Variants in BLOC1S2 observed in about 807,000 individuals in gnomAD.
BLOC1S2 encodes the protein biogenesis of lysosomal organelles complex 1 subunit 2, also known as biogenesis of lysosome-related organelles complex 1 subunit 2.
In BLOC1S2, 12 loss-of-function variants were observed where a neutral mutation model predicts 19.6. The ratio of observed to expected loss-of-function variants is 0.61; its 90% CI spans 0.39 to 0.99. BLOC1S2 has a LOEUF of 0.99. Ranked by LOEUF, BLOC1S2 falls within the 50% of genes least tolerant of loss-of-function variation. BLOC1S2 has a pLI of 0.00. For missense variants in BLOC1S2, 142 were observed against 171.0 expected, an observed-to-expected ratio of 0.83 and a Z score of 0.95; for synonymous variants, 66 against 64.1, an observed-to-expected ratio of 1.03 and a Z score of -0.14.
At chr10:100,277,586 TCC>T (rs1847942050) in intron 4 of BLOC1S2, among the ~76,000 whole-genome samples, 7 of 71,922 alleles carry the variant, frequency 9.7e-5, no homozygotes, top group Admixed American at 4.1e-4. Flanking sequence ...GGCCAGCCGC[TCC>T]GTCCGGGAGG....
chr10:100,286,550 G>A, intron 1 of BLOC1S2, 55 bp downstream of exon 1: 1 of 1,605,534 alleles, frequency 6.2e-7, no homozygotes, highest in Non-Finnish European at 8.5e-7. Context: ...TCGCCCACCC[G>A]AGACGGAGCC....
Position 100,275,445 on chromosome 10 carries a change from C to G in BLOC1S2, c.*17G>C, listed in dbSNP as rs760783037. On this transcript the variant is annotated 3_prime_UTR_variant, in exon 5 of 5. Transcript: ENST00000370372. ...CACATTAAAAAAAAAAGACTCTGTCCCATAGAAATAAGTTTCTCATCGCTT... is the reference window on the plus strand; with the variant it reads ...CACATTAAAAAAAAAAGACTCTGTCGCATAGAAATAAGTTTCTCATCGCTT... The G allele has an allele frequency of 1.9e-6, 3 of 1,601,422 alleles. No individual in the cohort carries two copies. The highest frequency in any genetic ancestry group is 4.5e-5 in the East Asian group (2 of 44,792).
intron 4 of BLOC1S2, among the ~76,000 whole-genome samples, chr10:100,277,849 C>G (rs1402412751): frequency 1.6e-5 from 2 of 128,988 alleles, no homozygotes; most frequent in South Asian, 2.4e-4. Context: ...GTCAGCCCCC[C>G]GCCCGGCCAG....
At chr10:100,280,861 C>G in intron 3 of BLOC1S2, 73 bp downstream of exon 3, 7 of 1,481,822 alleles carry the variant, frequency 4.7e-6, no homozygotes, top group Non-Finnish European at 6.3e-6. Flanking sequence ...CATGTTCCCT[C>G]CTCTTCTCCA....
chr10:100,277,119 C>T (rs1318092624), intron 4 of BLOC1S2, among the ~76,000 whole-genome samples: 1 of 151,668 alleles, frequency 6.6e-6, no homozygotes, highest in Non-Finnish European at 1.5e-5. Context: ...CCCGGCAGCC[C>T]ACCGTCTGAG....
rs374494450 is a variant in BLOC1S2 at position 100,286,664 on chromosome 10, G to A, written c.-5C>T. On this transcript the variant is annotated 5_prime_UTR_variant, in exon 1 of 5. Transcript: ENST00000370372. Reference sequence around the variant, plus strand: ...GCCCTCGGCTGCCGCCGCCATAGCGGACCCCGCGCTGTTTCCGGGCCGGGG... The same window carrying A: ...GCCCTCGGCTGCCGCCGCCATAGCGAACCCCGCGCTGTTTCCGGGCCGGGG... 5.6e-6 allele frequency: 9 copies of A among 1,609,958 alleles called. No individual in the cohort carries two copies. Among genetic ancestry groups the A allele is most frequent in the Non-Finnish European group, 7.6e-6 (9 of 1,178,144 alleles).
chr10:100,282,187 T>C (rs1314582385), intron 2 of BLOC1S2, among the ~76,000 whole-genome samples: 5 of 152,208 alleles, frequency 3.3e-5, no homozygotes, highest in African/African-American at 1.2e-4. Context: ...ATCAATATAT[T>C]CAGATTTCTT....
intron 4 of BLOC1S2, 52 bp downstream of exon 4, chr10:100,280,072 T>C (rs1421880373): frequency 3.6e-6 from 5 of 1,399,778 alleles, no homozygotes; most frequent in Non-Finnish European, 5.0e-6. Context: ...ACTAAGAATA[T>C]GCTGGCAAGA....
rs1412441612 is a variant in BLOC1S2, at chr10:100,274,122, T to G, written c.*1340A>C. 6.6e-6 allele frequency: 1 copy of G among 152,046 alleles called. No homozygotes were observed. Among genetic ancestry groups the G allele is most frequent in the East Asian group, 1.9e-4 (1 of 5,172 alleles). The allele number at this position is 152,046 out of a possible 1,614,324, so 9.4% of individuals were successfully genotyped here. On this transcript the variant is annotated 3_prime_UTR_variant, in exon 5 of 5. Coordinates refer to ENST00000370372, the MANE Select transcript of BLOC1S2 (RefSeq NM_173809.5). ...ATAAAAAATAATTAGCAAGGCATGG[T>G]GGAGCGTGCTGGTAGTCCCAGCTAT... is the stretch of plus-strand genomic sequence containing the variant.
At chr10:100,278,031 G>A (rs1847975240) in intron 4 of BLOC1S2, among the ~76,000 whole-genome samples, 2 of 136,336 alleles carry the variant, frequency 1.5e-5, no homozygotes, top group African/African-American at 5.6e-5. Flanking sequence ...CCCCCGCCCG[G>A]CCAGCCGCCC....
At chr10:100,277,669 C>A (rs1485396183) in intron 4 of BLOC1S2, among the ~76,000 whole-genome samples, 5 of 141,490 alleles carry the variant, frequency 3.5e-5, no homozygotes, top group Admixed American at 6.8e-5. Context: ...GGGCTCAGCC[C>A]CCCCGCCCGG....
chr10:100,285,002 G>A (rs1848198406), intron 2 of BLOC1S2, among the ~76,000 whole-genome samples: 1 of 151,786 alleles, frequency 6.6e-6, no homozygotes, highest in African/African-American at 2.4e-5. Flanking sequence ...AAAATAGATG[G>A]AAAGAGGATC....
rs1170100213 is a variant in BLOC1S2 at position 100,274,945 on chromosome 10, G to A, written c.*517C>T. 1 of 398,566 alleles carries A rather than the reference G, an allele frequency of 2.5e-6. No individual in the cohort carries two copies. Among genetic ancestry groups the A allele is most frequent in the Non-Finnish European group, 4.4e-6 (1 of 226,088 alleles). 24.7% of individuals were successfully genotyped at this position (398,566 alleles called of 1,614,324 possible). A position where few individuals can be genotyped will look rare whatever the true frequency, so the allele number is the denominator to read the frequency against. ...ATTATTTTAAGATTTTATGTTATTT[G>A]CAATATTATGGAAAAGTAAGTTACC... On this transcript the variant is annotated 3_prime_UTR_variant, in exon 5 of 5. Transcript: ENST00000370372.
At position 100,286,161 on chromosome 10, in the gene BLOC1S2, GTCA is replaced by G; in HGVS notation, c.105_107del (p.Asp36del). 6.2e-7 allele frequency: 1 copy of G among 1,614,102 alleles called. No individual in the cohort carries two copies. The highest frequency in any genetic ancestry group is 8.5e-7 in the Non-Finnish European group (1 of 1,179,996). ...ACATGTCCCGGCAGAGCTCAGTGAT[GTCA>G]GCTTCAGCAGGCTCCTTTGCTTCCT... is the stretch of plus-strand genomic sequence containing the variant. On this transcript the variant is annotated inframe_deletion, in exon 2 of 5. Transcript: ENST00000370372.
At chr10:100,285,888 C>CT (rs1191274671) in intron 2 of BLOC1S2, among the ~76,000 whole-genome samples, 6 of 152,186 alleles carry the variant, frequency 3.9e-5, no homozygotes, top group African/African-American at 1.4e-4. Flanking sequence ...GATATGAACT[C>CT]TTTTTTGTTA....
At position 100,273,749 on chromosome 10, in the gene BLOC1S2, T is replaced by A. The variant is rs1166428029; in HGVS notation, c.*1713A>T. 1 of 150,004 alleles carries A rather than the reference T, an allele frequency of 6.7e-6. No homozygotes were observed. The highest frequency in any genetic ancestry group is 6.7e-5 in the Admixed American group (1 of 14,942). 9.3% of individuals were successfully genotyped at this position (150,004 alleles called of 1,614,324 possible). A position where few individuals can be genotyped will look rare whatever the true frequency, so the allele number is the denominator to read the frequency against. ...TACTCGGGAGGCTGAGGCAGGAGAA[T>A]CGCTTGAACCCAGGAAACAGAGGTT... On this transcript the variant is annotated 3_prime_UTR_variant, in exon 5 of 5. Transcript: ENST00000370372.
chr10:100,280,834 C>T, intron 3 of BLOC1S2, 100 bp downstream of exon 3: 1 of 1,379,046 alleles, frequency 7.3e-7, no homozygotes, highest in South Asian at 1.6e-5. Context: ...AAACAAGCTC[C>T]CACAAGACAA....
At chr10:100,276,270 G>A (rs1464631412) in intron 4 of BLOC1S2, among the ~76,000 whole-genome samples, 4 of 150,840 alleles carry the variant, frequency 2.7e-5, no homozygotes, top group Non-Finnish European at 4.4e-5. Context: ...AATGTTATAA[G>A]GACAAAAACA....
At chr10:100,276,110 C>T (rs555323946) in intron 4 of BLOC1S2, among the ~76,000 whole-genome samples, 1 of 152,086 alleles carries the variant, frequency 6.6e-6, no homozygotes, top group Non-Finnish European at 1.5e-5. Context: ...GCCTTCTACG[C>T]GGTAAGGTTC....
Sources: allele counts gnomAD v4.1 joint callset (sites outside exome capture counted in the v4.1 genomes callset), GRCh38; gene constraint gnomAD v4.1.1; transcripts MANE v1.5; gene names NCBI Gene and HGNC (gene_info 2026-07-23, HGNC 2026-07-21).